Variants in LPIN3 observed in about 807,000 individuals in gnomAD.
LPIN3 encodes phosphatidate phosphatase LPIN3.
In LPIN3, 82 loss-of-function variants were observed where a neutral mutation model predicts 94.7. The ratio of observed to expected loss-of-function variants is 0.87; its 90% CI spans 0.72 to 1.04. The LOEUF (loss-of-function observed/expected upper bound fraction) is 1.04, where lower values mean the gene tolerates loss of function less well. Ranked by LOEUF, LPIN3 falls within the 50% of genes least tolerant of loss-of-function variation. LPIN3 has a pLI of 0.00. For missense variants in LPIN3, 996 were observed against 1,090.5 expected (o/e 0.91, Z 1.22); for synonymous variants, 418 against 443.3 (o/e 0.94, Z 0.72).
At chr20:41,347,824 G>A (rs774788923) in intron 3 of LPIN3, among the ~76,000 whole-genome samples, 177 bp downstream of exon 3, 55 of 152,206 alleles carry the variant, frequency 3.6e-4, no homozygotes, top group Admixed American at 6.5e-4. Context: ...ATGCTGTGGG[G>A]GCCCAGAGGA....
At position 41,350,168 on chromosome 20, in the gene LPIN3, G is replaced by A; in HGVS notation, c.873G>A (p.Val291=). 6.2e-7 allele frequency: 1 copy of A among 1,613,204 alleles called. No homozygotes were observed. Among genetic ancestry groups the A allele is most frequent in the South Asian group, 1.1e-5 (1 of 91,046 alleles). ...STPSTSVAGG[V]DPLGLPIQQT... ...CCTCTACCTCTGTGGCTGGCGGCGT[G>A]GACCCTTTGGGACTCCCAATCCAGC... Residue 291 remains valine (V), a synonymous_variant, in exon 7 of 20, where the codon GTG becomes GTA. Coordinates refer to ENST00000373257, the MANE Select transcript of LPIN3 (RefSeq NM_022896.3).
rs1173981321 is a variant in LPIN3, at chr20:41,359,610, C to T, written c.*744C>T. Reference sequence around the variant, plus strand: ...CTCTGGAAGGACACAGTGTTCTCCCCGCCCCTTGTCTGGGAGCCAGGACTG... The same window carrying T: ...CTCTGGAAGGACACAGTGTTCTCCCTGCCCCTTGTCTGGGAGCCAGGACTG... On this transcript the variant is annotated 3_prime_UTR_variant, in exon 20 of 20. Transcript: ENST00000373257. 6.6e-6 allele frequency: 1 copy of T among 152,238 alleles called. No individual in the cohort carries two copies. The highest frequency in any genetic ancestry group is 1.9e-4 in the East Asian group (1 of 5,192). 9.4% of individuals were successfully genotyped at this position (152,238 alleles called of 1,614,324 possible). A position where few individuals can be genotyped will look rare whatever the true frequency, so the allele number is the denominator to read the frequency against.
At position 41,355,892 on chromosome 20, in the gene LPIN3, A is replaced by G. The variant is rs2046190369; in HGVS notation, c.1665-4A>G. The G allele has an allele frequency of 6.2e-7, 1 of 1,613,868 alleles. No homozygotes were observed. The highest frequency in any genetic ancestry group is 1.1e-5 in the South Asian group (1 of 91,076). On this transcript the variant is annotated splice_region_variant and splice_polypyrimidine_tract_variant and intron_variant, in intron 13 of 19. Coordinates refer to ENST00000373257, the MANE Select transcript of LPIN3 (RefSeq NM_022896.3). Reference sequence around the variant, plus strand: ...GATGGCCTGAGAGCCAGTGTGGTCCACAGGGAGAAGACAGAAGTCCTGAGC... The same window carrying G: ...GATGGCCTGAGAGCCAGTGTGGTCCGCAGGGAGAAGACAGAAGTCCTGAGC...
chr20:41,354,181 A>G (rs1042791336), intron 11 of LPIN3, among the ~76,000 whole-genome samples: 7 of 152,144 alleles, frequency 4.6e-5, no homozygotes, highest in African/African-American at 1.7e-4. Flanking sequence ...TAACATACAG[A>G]AAAGGGGGTT....
rs775955281 is a variant in LPIN3, at chr20:41,358,893, T to C, written c.*27T>C. 1 of 1,612,636 alleles carries C rather than the reference T, an allele frequency of 6.2e-7. No individual in the cohort carries two copies. On this transcript the variant is annotated 3_prime_UTR_variant, in exon 20 of 20. Transcript: ENST00000373257. ...CCTGCCCTGGCTGGCTCCTCCTCCC[T>C]GGCCCGGCCCAGGACTGGCTAGGTG...
intron 9 of LPIN3, 104 bp downstream of exon 9, chr20:41,352,324 G>T: frequency 9.7e-6 from 13 of 1,343,288 alleles, no homozygotes; most frequent in Non-Finnish European, 1.4e-5. Flanking sequence ...GTGAGAGGCT[G>T]GGCTTCCCTG....
In LPIN3 at chr20:41,351,884, T is replaced by A. The variant is rs572385840; in HGVS notation, c.1166T>A (p.Leu389Gln). 8.1e-6 allele frequency: 13 copies of A among 1,614,112 alleles called. No homozygotes were observed. Among genetic ancestry groups the A allele is most frequent in the Middle Eastern group, 3.3e-4 (2 of 6,084 alleles). Residue 389 changes from leucine to glutamine, a missense_variant, in exon 8 of 20, where the codon CTG (leucine) becomes CAG (glutamine). Physicochemically the swap from Leu to Gln is moderately radical, Grantham distance 113 (BLOSUM62 -2). Transcript: ENST00000373257. ...SDIYLDDLPSLDSENAALYFP... is the reference protein window; with the variant it reads ...SDIYLDDLPSQDSENAALYFP... ...ATCTACCTGGATGACTTGCCCTCCC[T>A]GGACTCTGAGAATGCAGCGCTTTAC...
rs1447204542 is a variant in LPIN3 at position 41,357,355 on chromosome 20, C to T, written c.1953-6C>T. 3 of 1,613,662 alleles carry T rather than the reference C, an allele frequency of 1.9e-6. No homozygotes were observed. The highest frequency in any genetic ancestry group is 2.5e-6 in the Non-Finnish European group (3 of 1,179,712). On this transcript the variant is annotated splice_region_variant and splice_polypyrimidine_tract_variant and intron_variant, in intron 15 of 19. Transcript: ENST00000373257. ...CCTTGGAGTAACCCTTCCTCTCTCA[C>T]TCTAGGTCAGATGCTCTGGGCCATA...
chr20:41,357,085 G>C lies in LPIN3; in HGVS notation c.1849G>C (p.Val617Leu). ...QEGANDVVFS[V>L]TTQYQGTCRC... is the part of the protein sequence containing the mutation. ...AGGTGCCAATGATGTGGTCTTCAGC[G>C]TGACCACTCAGTACCAGGGCACCTG... The change falls in exon 15 of 20, where the codon GTG becomes CTG. Residue 617 changes from valine (V) to leucine (L), a missense_variant. By Grantham distance (32) the Val-to-Leu change is conservative (BLOSUM62 1). Coordinates refer to ENST00000373257, the MANE Select transcript of LPIN3 (RefSeq NM_022896.3). The C allele has an allele frequency of 1.9e-6, 3 of 1,614,054 alleles. No homozygotes were observed. The highest frequency in any genetic ancestry group is 2.5e-6 in the Non-Finnish European group (3 of 1,179,992).
In LPIN3 at chr20:41,356,039, GTGTGGGTTGTCTGTGT is replaced by G. The variant is rs2046197801; in HGVS notation, c.1803+6_1803+21del. ...CGCCTCTCCTCCGATCAGATCGTAAGTGTGGGTTGTCTGTGTGGAGGTTGGGGAGGGGCTGAGCTAA... is the reference window on the plus strand; with the variant it reads ...CGCCTCTCCTCCGATCAGATCGTAAGGGAGGTTGGGGAGGGGCTGAGCTAA... On this transcript the variant is annotated splice_donor_region_variant and intron_variant, in intron 14 of 19. Transcript: ENST00000373257. 6.2e-7 allele frequency: 1 copy of G among 1,612,814 alleles called. No homozygotes were observed. Among genetic ancestry groups the G allele is most frequent in the Non-Finnish European group, 8.5e-7 (1 of 1,179,092 alleles).
chr20:41,351,254 A>T (rs2045999875), intron 7 of LPIN3, among the ~76,000 whole-genome samples: 2 of 151,266 alleles, frequency 1.3e-5, no homozygotes, highest in Non-Finnish European at 2.9e-5. Flanking sequence ...GATAAATAAA[A>T]ATTAAAAATT....
At position 41,349,111 on chromosome 20, in the gene LPIN3, T is replaced by C. The variant is rs917816841; in HGVS notation, c.577T>C (p.Ser193Pro). 2 of 1,613,988 alleles carry C rather than the reference T, an allele frequency of 1.2e-6. No homozygotes were observed. The highest frequency in any genetic ancestry group is 1.3e-5 in the African/African-American group (1 of 74,908). Residue 193 changes from serine to proline, a missense_variant, in exon 5 of 20, where the codon TCT becomes CCT. Transcript: ENST00000373257. ...TAGCAGTGTCCAGTTGGAAGAGAAG[T>C]CTTCACTGCAGCCCAAAGACATCTA... ...EPPGVQLEEK[S>P]SLQPKDIYPY...
Position 41,350,295 on chromosome 20 carries a change from T to C in LPIN3, c.1000T>C (p.Ser334Pro). 2.5e-6 allele frequency: 4 copies of C among 1,612,870 alleles called. No homozygotes were observed. The South Asian group carries it at 4.4e-5, about 18-fold the overall frequency. ...GACAGAGGAAAGCAAGACTCAGAGC[T>C]CTGGGGACATGGGCCTCCCTCCTGC... The part of the protein sequence containing the change: ...PETEESKTQS[S>P]GDMGLPPASK... Residue 334 changes from serine (S) to proline (P), a missense_variant, in exon 7 of 20, where the codon TCT becomes CCT. By Grantham distance (74) the Ser-to-Pro change is moderately conservative. Coordinates refer to ENST00000373257, the MANE Select transcript of LPIN3 (RefSeq NM_022896.3).
intron 9 of LPIN3, 62 bp downstream of exon 9, chr20:41,352,282 G>A (rs1355966196): frequency 8.2e-6 from 13 of 1,587,330 alleles, no homozygotes; most frequent in Non-Finnish European, 1.0e-5. Flanking sequence ...GATGGGGAGG[G>A]CAGGGAAGAC....
intron 1 of LPIN3, among the ~76,000 whole-genome samples, chr20:41,343,006 C>T (rs1480102634): frequency 6.6e-6 from 1 of 152,074 alleles, no homozygotes; most frequent in Non-Finnish European, 1.5e-5. Flanking sequence ...TTTTGTCCCC[C>T]AGGAGACATT....
In LPIN3 at chr20:41,359,075, G is replaced by A; in HGVS notation, c.*209G>A. ...CTGCAGCTGCTCCAGGCGTCAGTGT[G>A]GCACTGTCCTGGGGCAATTAGCTTG... On this transcript the variant is annotated 3_prime_UTR_variant, in exon 20 of 20. Transcript: ENST00000373257. The A allele has an allele frequency of 1.8e-6, 1 of 559,628 alleles. No individual in the cohort carries two copies. Among genetic ancestry groups the A allele is most frequent in the Admixed American group, 3.3e-5 (1 of 30,724 alleles). 34.7% of individuals were successfully genotyped at this position (559,628 alleles called of 1,614,324 possible).
rs752854474 is a variant in LPIN3 at position 41,349,759 on chromosome 20, A to C, written c.639-15A>C. The C allele has an allele frequency of 6.2e-7, 1 of 1,608,130 alleles. No homozygotes were observed. The highest frequency in any genetic ancestry group is 1.3e-5 in the African/African-American group (1 of 74,736). ...GGGTAGGCAGGCTCAAGGCCTCTCA[A>C]TATGTCTCCTGCAGCCTCTCAGCAG... On this transcript the variant is annotated splice_polypyrimidine_tract_variant and intron_variant, in intron 5 of 19. Coordinates refer to ENST00000373257, the MANE Select transcript of LPIN3 (RefSeq NM_022896.3).
rs6029642 is a variant in LPIN3 at position 41,344,657 on chromosome 20, T to C, written c.-8-1139T>C. Among the ~76,000 whole-genome samples the C allele has an allele frequency of 3.2e-3, 492 of 152,262 alleles. 1 individual carries two copies. The highest frequency in any genetic ancestry group is 0.011 in the African/African-American group (451 of 41,560). On this transcript the variant is annotated intron_variant, in intron 1 of 19. Coordinates refer to ENST00000373257, the MANE Select transcript of LPIN3 (RefSeq NM_022896.3). Reference sequence around the variant, plus strand: ...AGGCTCTCATCATAGCCCTGTTTTTTCTCTGAGGCCGCCTCAGCCTCCTGC... The same window carrying C: ...AGGCTCTCATCATAGCCCTGTTTTTCCTCTGAGGCCGCCTCAGCCTCCTGC...
rs925708709 is a variant in LPIN3, at chr20:41,354,499, A to G, written c.1528-146A>G. 5 of 632,228 alleles carry G rather than the reference A, an allele frequency of 7.9e-6. No homozygotes were observed. In the South Asian group the frequency reaches 1.0e-4, roughly 13 times the overall value. 39.2% of individuals were successfully genotyped at this position (632,228 alleles called of 1,614,324 possible). A position where few individuals can be genotyped will look rare whatever the true frequency, so the allele number is the denominator to read the frequency against. ...GGAATCCCAGGATGGAGGTGAGCACACTTCCTTGGCCTCCAGATGTTGACA... is the reference window on the plus strand; with the variant it reads ...GGAATCCCAGGATGGAGGTGAGCACGCTTCCTTGGCCTCCAGATGTTGACA... On this transcript the variant is annotated intron_variant, in intron 11 of 19. Transcript: ENST00000373257.
Sources: gnomAD v4.1 joint callset for allele counts (sites outside exome capture counted in the v4.1 genomes callset) on GRCh38, gnomAD v4.1.1 for gene constraint, MANE v1.5 for transcripts, NCBI Gene and HGNC (gene_info 2026-07-23, HGNC 2026-07-21) for gene names.